The following RBFOX1 variants were observed in gnomAD, a reference collection of about 807,000 sequenced individuals.
RBFOX1 encodes the protein RNA binding protein fox-1 homolog 1.
Under a neutral mutation model 57.7 loss-of-function variants are expected in RBFOX1, and 8 were observed. The observed-to-expected ratio is 0.14, with a 90% confidence interval of 0.08 to 0.25. RBFOX1 has a LOEUF of 0.25. Among genes scored for constraint, RBFOX1 ranks in the 10% least tolerant of loss-of-function variants. The pLI is 1.00. For synonymous variants in RBFOX1, 326 were observed against 222.4 expected (o/e 1.47, Z -4.15); for missense variants, 611 against 548.5 (o/e 1.11, Z -1.14).
At position 7,020,844 on chromosome 16, in the gene RBFOX1, A is replaced by G. The variant is rs1222648638; in HGVS notation, c.-15-31213A>G. Among the ~76,000 whole-genome samples, 11 of 152,110 alleles carry G rather than the reference A, an allele frequency of 7.2e-5. 1 individual carries two copies. In the South Asian group the frequency reaches 1.9e-3, roughly 26 times the overall value. ...AGTGAGCACTTAAGAATTTTTCTCG[A>G]GGCCAGTCTTGAAGGCTCATGCCTG... On this transcript the variant is annotated intron_variant, in intron 3 of 15. Coordinates refer to ENST00000550418, the MANE Select transcript of RBFOX1 (RefSeq NM_018723.4).
At chr16:6,400,309 G>C (rs750509725) in intron 2 of RBFOX1, among the ~76,000 whole-genome samples, 1 of 152,104 alleles carries the variant, frequency 6.6e-6, no homozygotes, top group Non-Finnish European at 1.5e-5. Context: ...ACCTATAAAA[G>C]TACCAAAATT....
chr16:6,656,585 G>C (rs143882708), intron 3 of RBFOX1, among the ~76,000 whole-genome samples: 236 of 133,500 alleles, frequency 1.8e-3, no homozygotes, highest in African/African-American at 6.5e-3. Flanking sequence ...CTCTTCTCAA[G>C]AAAGGGGAAA....
At chr16:7,100,130 CA>C (rs557002159) in intron 4 of RBFOX1, among the ~76,000 whole-genome samples, 1,816 of 131,668 alleles carry the variant, frequency 0.014, 16 homozygotes, top group Non-Finnish European at 0.023. Flanking sequence ...GTGAAGGGAA[CA>C]AAAAAAAAAG....
intron 2 of RBFOX1, among the ~76,000 whole-genome samples, chr16:6,397,563 A>G (rs550851574): frequency 1.2e-3 from 188 of 152,328 alleles, no homozygotes; most frequent in African/African-American, 4.4e-3. Flanking sequence ...CTTCAGAGTG[A>G]AAGGAAATGA....
intron 1 of RBFOX1, among the ~76,000 whole-genome samples, chr16:6,112,557 G>A (rs141814140): frequency 5.6e-4 from 85 of 152,276 alleles, no homozygotes; most frequent in African/African-American, 2.0e-3. Flanking sequence ...TGTGCATGGT[G>A]GTGCATGCCT....
intron 4 of RBFOX1, among the ~76,000 whole-genome samples, chr16:7,292,111 T>G (rs2095792802): frequency 1.3e-5 from 1 of 76,736 alleles, no homozygotes; most frequent in South Asian, 6.6e-4. Context: ...TCATGTATTA[T>G]GTATAATATA....
chr16:7,005,644 C>A (rs947489711), intron 3 of RBFOX1, among the ~76,000 whole-genome samples: 2 of 152,158 alleles, frequency 1.3e-5, no homozygotes, highest in African/African-American at 4.8e-5. Flanking sequence ...TTGGTGTTGC[C>A]TGTTGAACAC....
In RBFOX1 at chr16:5,656,818, G is replaced by A. The variant is rs1041727202; in HGVS notation, c.318+57857G>A. 5.9e-5 allele frequency among the ~76,000 whole-genome samples: 9 copies of A among 152,006 alleles called. No homozygotes were observed. The East Asian group carries it at 1.7e-3, about 29-fold the overall frequency. On this transcript the variant is annotated intron_variant, in intron 3 of 19. Transcript: ENST00000641259. ...CTATCATTGATGGGCGTTTGGGTTG[G>A]AATAAACACAGGAACAGAAAACCAA...
chr16:6,674,350 C>G (rs62017897), intron 3 of RBFOX1, among the ~76,000 whole-genome samples: 50,897 of 151,510 alleles, frequency 0.34, 10,223 homozygotes, highest in South Asian at 0.53. Flanking sequence ...GAGTCAGAGT[C>G]TCACTCTGTT....
chr16:6,162,965 C>A (rs904566361), intron 1 of RBFOX1, among the ~76,000 whole-genome samples: 5 of 152,180 alleles, frequency 3.3e-5, no homozygotes, highest in Non-Finnish European at 7.3e-5. Context: ...AACTCCTGAC[C>A]TCAGGTGATC....
At chr16:5,444,454 T>A (rs1255156122) in intron 1 of RBFOX1, among the ~76,000 whole-genome samples, 1 of 152,134 alleles carries the variant, frequency 6.6e-6, no homozygotes. Context: ...AGAAAATCAT[T>A]CTTATTGGAG....
intron 2 of RBFOX1, among the ~76,000 whole-genome samples, chr16:5,535,194 C>T (rs2044647318): frequency 1.3e-5 from 2 of 152,142 alleles, no homozygotes; most frequent in Non-Finnish European, 1.5e-5. Flanking sequence ...GTCACAGTAG[C>T]CACATTTCAA....
At chr16:6,463,130 A>G (rs183787567) in intron 2 of RBFOX1, among the ~76,000 whole-genome samples, 115 of 152,280 alleles carry the variant, frequency 7.6e-4, no homozygotes, top group Middle Eastern at 3.4e-3. Context: ...CTCTTGTAAT[A>G]CTTTATAGTT....
At chr16:7,384,720 TG>T (rs1187006586) in intron 4 of RBFOX1, among the ~76,000 whole-genome samples, 1 of 152,154 alleles carries the variant, frequency 6.6e-6, no homozygotes, top group African/African-American at 2.4e-5. Context: ...GAAATAGAGA[TG>T]TAAGTCAGGA....
At chr16:5,369,901 A>C (rs1022791967) in intron 1 of RBFOX1, among the ~76,000 whole-genome samples, 2 of 151,658 alleles carry the variant, frequency 1.3e-5, no homozygotes, top group Admixed American at 1.3e-4. Flanking sequence ...TTTTGCACCA[A>C]CCTATAGATG....
In RBFOX1 at chr16:5,775,787, G is replaced by A. The variant is rs149821786; in HGVS notation, c.319-91516G>A. 1.3e-4 allele frequency among the ~76,000 whole-genome samples: 20 copies of A among 152,352 alleles called. No homozygotes were observed. In the East Asian group the frequency reaches 3.5e-3, roughly 26 times the overall value. On this transcript the variant is annotated intron_variant, in intron 3 of 19. Coordinates refer to the RBFOX1 transcript ENST00000641259. Reference sequence around the variant, plus strand: ...CGTAGGGGTTTTTCAAGAACAAGGAGCTAGCAATGTCCAGATGAAAGAAAA... The same window carrying A: ...CGTAGGGGTTTTTCAAGAACAAGGAACTAGCAATGTCCAGATGAAAGAAAA...
chr16:7,243,343 G>A (rs1417553603), intron 4 of RBFOX1, among the ~76,000 whole-genome samples: 2 of 152,098 alleles, frequency 1.3e-5, no homozygotes, highest in Non-Finnish European at 2.9e-5. Context: ...CTGACCTTTA[G>A]TTCTTTTATG....
intron 3 of RBFOX1, among the ~76,000 whole-genome samples, chr16:6,694,754 G>T (rs548533256): frequency 6.6e-6 from 1 of 152,266 alleles, no homozygotes; most frequent in African/African-American, 2.4e-5. Context: ...ATGAATTCCA[G>T]CATTGCCTCT....
intron 3 of RBFOX1, among the ~76,000 whole-genome samples, chr16:6,925,992 A>G (rs2075508914): frequency 6.6e-6 from 1 of 152,156 alleles, no homozygotes. Flanking sequence ...GTCAACCGTC[A>G]GATCTCTGTC....
Sources: gnomAD v4.1 joint callset for allele counts (sites outside exome capture counted in the v4.1 genomes callset) on GRCh38, gnomAD v4.1.1 for gene constraint, MANE v1.5 for transcripts, NCBI Gene and HGNC (gene_info 2026-07-23, HGNC 2026-07-21) for gene names.